Variants in DNM1 observed in about 807,000 individuals in gnomAD.
DNM1 encodes dynamin 1.
DNM1 carries 29 observed loss-of-function variants against 104.6 expected under a neutral mutation model. The observed-to-expected ratio is 0.28, with a 90% CI of 0.21 to 0.38. The LOEUF is 0.38. DNM1 is among the 10% of genes least tolerant of loss of function. The pLI, the probability that DNM1 is intolerant of heterozygous loss-of-function variation, is 1.00. For missense variants in DNM1, 640 were observed against 1,189.4 expected, an observed-to-expected ratio of 0.54 and a Z score of 6.79; for synonymous variants, 445 against 475.8, an observed-to-expected ratio of 0.94 and a Z score of 0.84.
chr9:128,246,643 G>A (rs1160422133), intron 16 of DNM1, 140 bp downstream of exon 16: 10 of 631,592 alleles, frequency 1.6e-5, no homozygotes, highest in East Asian at 2.8e-5. Flanking sequence ...TGCTTATTGA[G>A]TTCCTGCTTT....
chr9:128,244,500 C>A (rs537456237), intron 15 of DNM1, among the ~76,000 whole-genome samples: 1 of 151,906 alleles, frequency 6.6e-6, no homozygotes, highest in African/African-American at 2.4e-5. Flanking sequence ...GGCAGACCGG[C>A]GGCTGCCCAC....
In DNM1 at chr9:128,207,844, G is replaced by A. The variant is rs112657561; in HGVS notation, c.161+4213G>A. 1.8e-3 allele frequency among the ~76,000 whole-genome samples: 275 copies of A among 152,222 alleles called. 2 individuals are homozygous for A. Among genetic ancestry groups the A allele is most frequent in the African/African-American group, 6.3e-3 (260 of 41,528 alleles). On this transcript the variant is annotated intron_variant, in intron 1 of 21. Transcript: ENST00000372923. The stretch of plus-strand genomic sequence containing the variant: ...AGACAGGCAAGCCCTCTGGGATGGC[G>A]TGGGCTGGGAGGTGCACCAGGATGG...
intron 9 of DNM1, chr9:128,223,073 A>G (rs1444210673): frequency 5.2e-6 from 3 of 576,964 alleles, no homozygotes; most frequent in African/African-American, 1.9e-5. Flanking sequence ...TGCTGGGCCA[A>G]CTGGGCACAG....
chr9:128,235,808 A>G (rs1372725545), intron 11 of DNM1, among the ~76,000 whole-genome samples: 1 of 152,144 alleles, frequency 6.6e-6, no homozygotes, highest in Non-Finnish European at 1.5e-5. Context: ...TCGACCTCCC[A>G]GGCTCAAGCG....
intron 20 of DNM1, 150 bp from the exon 21 acceptor site, chr9:128,250,575 G>A (rs1171734386): frequency 3.2e-6 from 3 of 946,212 alleles, no homozygotes; most frequent in South Asian, 1.9e-5. Context: ...CGCTGGGGGC[G>A]GGGCTTAAGC....
In DNM1 at chr9:128,247,264, G is replaced by T; in HGVS notation, c.1782-111G>T. The T allele has an allele frequency of 3.0e-6, 2 of 656,428 alleles. No homozygotes were observed. The highest frequency in any genetic ancestry group is 3.8e-5 in the South Asian group (2 of 52,730). The allele number at this position is 656,428 out of a possible 1,614,324, so 40.7% of individuals were successfully genotyped here. A position where few individuals can be genotyped will look rare whatever the true frequency, so the allele number is the denominator to read the frequency against. Reference sequence around the variant, plus strand: ...GGGACTTGCACAGGGTCACACAGCTGGGAAATGAGCTGGCCTCAGGCATGT... The same window carrying T: ...GGGACTTGCACAGGGTCACACAGCTTGGAAATGAGCTGGCCTCAGGCATGT... On this transcript the variant is annotated intron_variant, in intron 16 of 21. Coordinates refer to ENST00000372923, the MANE Select transcript of DNM1 (RefSeq NM_004408.4). The surrounding 1 kb of genome is among the most constrained non-coding windows in gnomAD (Gnocchi z 5.1).
intron 11 of DNM1, among the ~76,000 whole-genome samples, chr9:128,234,340 C>T (rs568126210): frequency 5.9e-5 from 9 of 152,386 alleles, no homozygotes; most frequent in Admixed American, 2.0e-4. Flanking sequence ...AGTACATTTG[C>T]GCTGTTGCAC....
Position 128,241,362 on chromosome 9 carries a change from G to A in DNM1, c.1558-870G>A, listed in dbSNP as rs928047715. ...TCCACAGGCCCTGGACCGTGGCCAT[G>A]GCTCTGGACAGTCCTGGGGACAGCT... On this transcript the variant is annotated intron_variant, in intron 14 of 21. Coordinates refer to ENST00000372923, the MANE Select transcript of DNM1 (RefSeq NM_004408.4). Among the ~76,000 whole-genome samples, 29 of 152,210 alleles carry A rather than the reference G, an allele frequency of 1.9e-4. 1 individual carries two copies. The highest frequency in any genetic ancestry group is 1.6e-4 in the Non-Finnish European group (11 of 68,034).
At chr9:128,233,736 C>T (rs978066806) in intron 10 of DNM1, 14 of 505,594 alleles carry the variant, frequency 2.8e-5, no homozygotes, top group African/African-American at 2.4e-4. Context: ...CTTTCTCCCA[C>T]GGGAACCACC....
chr9:128,239,366 C>CT, intron 11 of DNM1, 79 bp from the exon 12 acceptor site: 1 of 1,087,032 alleles, frequency 9.2e-7, no homozygotes, highest in South Asian at 1.3e-5. Context: ...GCTGCAAGTA[C>CT]TTTTCTCCCA....
Position 128,243,596 on chromosome 9 carries a change from T to C in DNM1, c.1671+1251T>C, listed in dbSNP as rs1836538765. Among the ~76,000 whole-genome samples, 1 of 152,012 alleles carries C rather than the reference T, an allele frequency of 6.6e-6. No individual in the cohort carries two copies. Among genetic ancestry groups the C allele is most frequent in the Non-Finnish European group, 1.5e-5 (1 of 67,984 alleles). On this transcript the variant is annotated intron_variant, in intron 15 of 21. Coordinates refer to ENST00000372923, the MANE Select transcript of DNM1 (RefSeq NM_004408.4). The surrounding 1 kb of genome is among the most constrained non-coding windows in gnomAD (Gnocchi z 4.0). ...CCACCATGGGGGCCCCTGGAAGGGA[T>C]GGAGTGTGCAGTGGCATGGGGTGCG...
chr9:128,246,368 C>T, intron 15 of DNM1, 26 bp from the exon 16 acceptor site: 1 of 1,521,476 alleles, frequency 6.6e-7, no homozygotes, highest in Non-Finnish European at 9.1e-7. Flanking sequence ...CCAACCTCAC[C>T]CCATTGCTCC....
chr9:128,244,821 T>C, intron 15 of DNM1: 1 of 532,942 alleles, frequency 1.9e-6, no homozygotes, highest in Admixed American at 1.9e-5. Context: ...GGAGTGGAGG[T>C]GTCCTCTGGT....
Position 128,250,872 on chromosome 9 carries a change from C to A in DNM1, c.2466C>A (p.Ser822=). The A allele has an allele frequency of 7.4e-7, 1 of 1,351,302 alleles. No individual in the cohort carries two copies. The highest frequency in any genetic ancestry group is 3.7e-5 in the Admixed American group (1 of 27,144). The allele number at this position is 1,351,302 out of a possible 1,614,324, so 83.7% of individuals were successfully genotyped here. Residue 822 remains serine, a synonymous_variant, in exon 21 of 22, where the codon TCC becomes TCA. Transcript: ENST00000372923. ...CCGTGCCCTCCAGGCCGGGGGCTTC[C>A]CCTGACCCTTTCGGCCCTCCCCCTC... ...APPVPSRPGA[S]PDPFGPPPQV...
At chr9:128,246,171 C>T (rs755912831) in intron 15 of DNM1, among the ~76,000 whole-genome samples, 67 of 152,302 alleles carry the variant, frequency 4.4e-4, no homozygotes, top group Non-Finnish European at 7.5e-4. Flanking sequence ...CACCAGCCCC[C>T]TGGCCCCCGG....
chr9:128,246,483 C>T lies in DNM1; in HGVS notation c.1761C>T (p.Ala587=). 6.2e-7 allele frequency: 1 copy of T among 1,613,980 alleles called. No homozygotes were observed. The highest frequency in any genetic ancestry group is 8.5e-7 in the Non-Finnish European group (1 of 1,179,928). Residue 587 remains alanine, a synonymous_variant, in exon 16 of 22, where the codon GCC becomes GCT. Transcript: ENST00000372923. ...KGFMSSKHIF[A]LFNTEQRNVY... ...TTATGTCGAGCAAGCATATCTTTGC[C>T]CTCTTTAACACGGAGCAGAGGTGCC...
intron 1 of DNM1, among the ~76,000 whole-genome samples, chr9:128,208,738 G>C (rs896981002): frequency 2.6e-5 from 4 of 152,136 alleles, no homozygotes; most frequent in African/African-American, 9.7e-5. Flanking sequence ...AATCCACAAA[G>C]AGCACGTTTG....
Position 128,250,245 on chromosome 9 carries a change from A to C in DNM1, c.2207A>C (p.Lys736Thr), listed in dbSNP as rs945808505. The stretch of plus-strand genomic sequence containing the variant: ...ATGCTGCGCATGTACCACGCACTGA[A>C]GGAGGCGCTCAGCATCATCGGCGAC... ...DEMLRMYHAL[K>T]EALSIIGDIN... Residue 736 changes from lysine to threonine, a missense_variant, in exon 20 of 22, where the codon AAG becomes ACG. Coordinates refer to ENST00000372923, the MANE Select transcript of DNM1 (RefSeq NM_004408.4). 6.2e-7 allele frequency: 1 copy of C among 1,613,956 alleles called. No homozygotes were observed. The highest frequency in any genetic ancestry group is 1.3e-5 in the African/African-American group (1 of 74,930).
rs545602416 is a variant in DNM1 at position 128,254,567 on chromosome 9, G to C, written c.2535-87G>C. 22 of 1,421,928 alleles carry C rather than the reference G, an allele frequency of 1.5e-5. No homozygotes were observed. In the East Asian group the frequency reaches 2.3e-4, roughly 15 times the overall value. The allele number at this position is 1,421,928 out of a possible 1,614,324, so 88.1% of individuals were successfully genotyped here. ...CTCCCACCACTGCTGCGGCGCGGCC[G>C]GCCCCGGCCGTGTGCTGCGCTTGCC... is the stretch of plus-strand genomic sequence containing the variant. On this transcript the variant is annotated intron_variant, in intron 21 of 21. Coordinates refer to ENST00000372923, the MANE Select transcript of DNM1 (RefSeq NM_004408.4). The surrounding 1 kb of genome is among the most constrained non-coding windows in gnomAD (Gnocchi z 6.1).
Sources: gnomAD v4.1 joint callset for allele counts (sites outside exome capture counted in the v4.1 genomes callset) on GRCh38, gnomAD v4.1.1 for gene constraint, Gnocchi (gnomAD v3.1) non-coding constraint, MANE v1.5 for transcripts, NCBI Gene and HGNC (gene_info 2026-07-23, HGNC 2026-07-21) for gene names.